KALRN: variants seen among roughly 807,000 people sequenced by gnomAD.
The protein encoded by KALRN is kalirin RhoGEF kinase, also known as kalirin.
A neutral mutation model predicts 353.7 loss-of-function variants in KALRN; 70 were observed. That is an observed-to-expected ratio of 0.20 (90% confidence interval 0.16 to 0.24). KALRN has a LOEUF of 0.24. Ranked by LOEUF, KALRN falls within the 10% of genes least tolerant of loss-of-function variation. KALRN has a pLI of 1.00. For missense variants in KALRN, 2,791 were observed against 3,756.7 expected (o/e 0.74, Z 6.72); for synonymous variants, 1,391 against 1,434.8 (o/e 0.97, Z 0.69).
chr3:124,100,510 A>G (rs2061774556), intron 1 of KALRN: 1 of 152,344 alleles, frequency 6.6e-6, no homozygotes, highest in Non-Finnish European at 1.5e-5. Flanking sequence ...TACAAAAATC[A>G]GCTCAAAATG....
intron 1 of KALRN, among the ~76,000 whole-genome samples, chr3:124,158,973 G>A (rs1159179529): frequency 6.6e-6 from 1 of 152,058 alleles, no homozygotes; most frequent in East Asian, 1.9e-4. Context: ...CTGTTGGCCT[G>A]GACTCAGGGC....
intron 1 of KALRN, among the ~76,000 whole-genome samples, chr3:124,141,767 T>C (rs552798048): frequency 6.6e-6 from 1 of 152,342 alleles, no homozygotes; most frequent in East Asian, 1.9e-4. Flanking sequence ...GAATCTGCCC[T>C]TGTTAATCCT....
chr3:124,596,846 G>A (rs1010503323), intron 34 of KALRN, among the ~76,000 whole-genome samples: 8 of 152,144 alleles, frequency 5.3e-5, no homozygotes, highest in Admixed American at 3.3e-4. Context: ...CCAGGAGTTC[G>A]AGACCAGCCT....
At chr3:124,430,370 T>C (rs950942733) in intron 15 of KALRN, among the ~76,000 whole-genome samples, 1 of 152,222 alleles carries the variant, frequency 6.6e-6, no homozygotes, top group Non-Finnish European at 1.5e-5. Flanking sequence ...ATGCATACAG[T>C]ACAACCACAT....
chr3:124,325,032 G>A (rs1580971321), intron 6 of KALRN, among the ~76,000 whole-genome samples: 1 of 152,240 alleles, frequency 6.6e-6, no homozygotes, highest in Admixed American at 6.5e-5. Flanking sequence ...AGGAGATAGC[G>A]GTTAAAAATA....
chr3:124,207,999 A>G (rs1006192715), intron 1 of KALRN, among the ~76,000 whole-genome samples: 4 of 152,146 alleles, frequency 2.6e-5, no homozygotes, highest in African/African-American at 9.7e-5. Flanking sequence ...TGGGCTTTCC[A>G]CAGACATTGT....
At chr3:124,237,693 A>C (rs778275120) in intron 3 of KALRN, among the ~76,000 whole-genome samples, 2 of 152,176 alleles carry the variant, frequency 1.3e-5, no homozygotes, top group Non-Finnish European at 2.9e-5. Context: ...TCATGCATTT[A>C]TTCATTATGT....
intron 1 of KALRN, among the ~76,000 whole-genome samples, chr3:124,068,694 A>G (rs2042580965): frequency 6.6e-6 from 1 of 152,176 alleles, no homozygotes; most frequent in African/African-American, 2.4e-5. Context: ...TAGATTTTAA[A>G]TATTTATTGA....
At chr3:124,688,995 C>T (rs1045075327) in intron 51 of KALRN, among the ~76,000 whole-genome samples, 65 of 152,284 alleles carry the variant, frequency 4.3e-4, no homozygotes, top group African/African-American at 1.6e-3. Context: ...TTCTTGTTCT[C>T]GCCTGGGAGG....
chr3:124,708,464 C>A (rs561798337), intron 57 of KALRN, among the ~76,000 whole-genome samples: 1 of 151,582 alleles, frequency 6.6e-6, no homozygotes, highest in South Asian at 2.1e-4. Flanking sequence ...AATTGCATAA[C>A]AAAAAATACA....
At chr3:124,581,409 T>C (rs563377378) in intron 34 of KALRN, among the ~76,000 whole-genome samples, 3 of 135,206 alleles carry the variant, frequency 2.2e-5, no homozygotes, top group African/African-American at 8.1e-5. Flanking sequence ...AAAAAAAGTA[T>C]CGGTGGAAAC....
intron 57 of KALRN, among the ~76,000 whole-genome samples, chr3:124,710,266 A>G (rs529641996): frequency 6.6e-6 from 1 of 152,374 alleles, no homozygotes; most frequent in African/African-American, 2.4e-5. Flanking sequence ...TAATGTAGAT[A>G]CTGAATATTG....
intron 6 of KALRN, 90 bp downstream of exon 6, chr3:124,299,003 A>G: frequency 6.6e-6 from 10 of 1,526,104 alleles, no homozygotes; most frequent in Non-Finnish European, 9.0e-6. Flanking sequence ...TTTCCACCCG[A>G]GGAAGAACTG....
intron 34 of KALRN, among the ~76,000 whole-genome samples, chr3:124,618,413 C>A (rs1217798488): frequency 6.6e-6 from 1 of 152,076 alleles, no homozygotes; most frequent in Non-Finnish European, 1.5e-5. Flanking sequence ...CCGCGCCCAG[C>A]CATGCAGAAA....
rs1273417679 is a variant in KALRN at position 124,725,170 on chromosome 3, T to C, written c.*5700T>C. 1.3e-5 allele frequency: 2 copies of C among 152,212 alleles called. No homozygotes were observed. Among genetic ancestry groups the C allele is most frequent in the Non-Finnish European group, 2.9e-5 (2 of 68,032 alleles). 9.4% of individuals were successfully genotyped at this position (152,212 alleles called of 1,614,324 possible). A position where few individuals can be genotyped will look rare whatever the true frequency, so the allele number is the denominator to read the frequency against. On this transcript the variant is annotated 3_prime_UTR_variant, in exon 60 of 60. Transcript: ENST00000682506. The stretch of plus-strand genomic sequence containing the variant: ...ACAACTGAATCCATGTTCTGGAGTA[T>C]TACAGAGACTGTTACTATGACCTCA...
chr3:124,066,643 A>G (rs779518394), intron 1 of KALRN, among the ~76,000 whole-genome samples: 1 of 152,150 alleles, frequency 6.6e-6, no homozygotes, highest in Non-Finnish European at 1.5e-5. Flanking sequence ...AATAGGGAAC[A>G]CCGCTTCACC....
chr3:124,162,654 G>A (rs2070166560), intron 1 of KALRN: 4 of 152,256 alleles, frequency 2.6e-5, no homozygotes, highest in Non-Finnish European at 4.4e-5. Context: ...CAATGCAGAA[G>A]ATTGTCTAGA....
chr3:124,280,818 T>C (rs895423260), intron 5 of KALRN, among the ~76,000 whole-genome samples: 1 of 152,198 alleles, frequency 6.6e-6, no homozygotes, highest in African/African-American at 2.4e-5. Flanking sequence ...TAAAGTGTTC[T>C]GGTGCCAAGG....
At chr3:124,312,820 A>C (rs1176266733) in intron 6 of KALRN, among the ~76,000 whole-genome samples, 3 of 152,200 alleles carry the variant, frequency 2.0e-5, no homozygotes, top group Non-Finnish European at 4.4e-5. Flanking sequence ...CGCAAAGAGA[A>C]TTTTGCCCAC....
Sources: gnomAD v4.1 joint callset for allele counts (sites outside exome capture counted in the v4.1 genomes callset) on GRCh38, gnomAD v4.1.1 for gene constraint, MANE v1.5 for transcripts, NCBI Gene and HGNC (gene_info 2026-07-23, HGNC 2026-07-21) for gene names.